The following FYB1 variants were observed in gnomAD, a reference collection of about 807,000 sequenced individuals.
FYB1 encodes FYN binding protein 1.
A neutral mutation model predicts 94.1 loss-of-function variants in FYB1; 41 were observed. That is an observed-to-expected ratio of 0.44 (90% CI 0.34 to 0.57). The LOEUF (loss-of-function observed/expected upper bound fraction) is 0.57. Among genes scored for constraint, FYB1 ranks in the 20% least tolerant of loss-of-function variants. The pLI is 0.02. For synonymous variants in FYB1, 367 were observed against 353.2 expected, an observed-to-expected ratio of 1.04 and a Z score of -0.44; for missense variants, 1,050 against 976.8, an observed-to-expected ratio of 1.07 and a Z score of -1.00.
intron 1 of FYB1, among the ~76,000 whole-genome samples, chr5:39,267,714 C>T (rs1388413281): frequency 2.6e-5 from 4 of 152,118 alleles, no homozygotes; most frequent in African/African-American, 9.7e-5. Context: ...CATGTATATG[C>T]CATAATTGCA....
chr5:39,241,145 C>T (rs1425426208), intron 1 of FYB1, among the ~76,000 whole-genome samples: 1 of 152,042 alleles, frequency 6.6e-6, no homozygotes, highest in Non-Finnish European at 1.5e-5. Context: ...AAGAAGGGAA[C>T]AATAGGGCCT....
chr5:39,245,056 G>A (rs192296467), intron 1 of FYB1, among the ~76,000 whole-genome samples: 62 of 151,738 alleles, frequency 4.1e-4, no homozygotes, highest in African/African-American at 1.2e-3. Context: ...TCTTGCTAGC[G>A]GTCTATCAAT....
chr5:39,170,962 CCATT>C (rs773634599), intron 2 of FYB1, among the ~76,000 whole-genome samples: 2 of 152,112 alleles, frequency 1.3e-5, no homozygotes, highest in Non-Finnish European at 2.9e-5. Flanking sequence ...TATTGTATTA[CCATT>C]CATGTTTCTG....
At chr5:39,270,730 A>G in intron 1 of FYB1, 1 of 543,850 alleles carries the variant, frequency 1.8e-6, no homozygotes, top group Non-Finnish European at 3.1e-6. Context: ...CTACATTTGC[A>G]TGTTATCTCA....
intron 1 of FYB1, among the ~76,000 whole-genome samples, chr5:39,207,587 G>T (rs1286496986): frequency 1.3e-5 from 2 of 152,128 alleles, no homozygotes; most frequent in African/African-American, 4.8e-5. Flanking sequence ...CATCTTTTCT[G>T]TTCCTAGAAA....
At chr5:39,185,986 G>A (rs1315017825) in intron 2 of FYB1, among the ~76,000 whole-genome samples, 3 of 152,084 alleles carry the variant, frequency 2.0e-5, no homozygotes, top group Non-Finnish European at 4.4e-5. Context: ...TGGCTGCCTT[G>A]TCCAGGAGGA....
chr5:39,174,768 A>G (rs1329433089), intron 2 of FYB1, among the ~76,000 whole-genome samples: 1 of 152,238 alleles, frequency 6.6e-6, no homozygotes, highest in Non-Finnish European at 1.5e-5. Context: ...AAGATAAAAC[A>G]TAAGCATCTT....
At position 39,110,228 on chromosome 5, in the gene FYB1, C is replaced by A; in HGVS notation, c.2435+128G>T. 5.3e-6 allele frequency: 3 copies of A among 568,754 alleles called. No individual in the cohort carries two copies. The Admixed American group carries it at 9.9e-5, about 19-fold the overall frequency. The allele number at this position is 568,754 out of a possible 1,614,324, so 35.2% of individuals were successfully genotyped here. On this transcript the variant is annotated intron_variant, in intron 17 of 18. Coordinates refer to ENST00000512982, the MANE Select transcript of FYB1 (RefSeq NM_001465.6). ...TACTAACATGTTAACGTTAGTATAGCATATTGTTTTTAAATTTATTTATGA... is the reference window on the plus strand; with the variant it reads ...TACTAACATGTTAACGTTAGTATAGAATATTGTTTTTAAATTTATTTATGA...
rs1173223046 is a variant in FYB1 at position 39,105,528 on chromosome 5, C to G, written c.*1915G>C. On this transcript the variant is annotated 3_prime_UTR_variant, in exon 19 of 19. Transcript: ENST00000512982. ...TAATTCTCAATCAGAAAAAAAATTA[C>G]TGTCAGACTGCAATGCAAGTCTGCC... The G allele has an allele frequency of 6.6e-6, 1 of 152,088 alleles. No individual in the cohort carries two copies. Among genetic ancestry groups the G allele is most frequent in the African/African-American group, 2.4e-5 (1 of 41,398 alleles). 9.4% of individuals were successfully genotyped at this position (152,088 alleles called of 1,614,324 possible).
At chr5:39,159,533 A>G (rs1744060426) in intron 2 of FYB1, among the ~76,000 whole-genome samples, 1 of 152,134 alleles carries the variant, frequency 6.6e-6, no homozygotes, top group African/African-American at 2.4e-5. Flanking sequence ...GTTGTTTGTA[A>G]TCCCCTTCAT....
intron 14 of FYB1, 74 bp from the exon 15 acceptor site, chr5:39,119,708 T>C: frequency 7.6e-7 from 1 of 1,317,704 alleles, no homozygotes; most frequent in East Asian, 3.0e-5. Flanking sequence ...ACAGAGACGA[T>C]TCATAGCATT....
In FYB1 at chr5:39,202,045, A is replaced by G; in HGVS notation, c.916T>C (p.Ser306Pro). Residue 306 changes from serine (S) to proline (P), a missense_variant, in exon 2 of 19, where the codon TCA (serine) becomes CCA (proline). Transcript: ENST00000512982. ...GGGAACCTGGCAGGAGGAGTCCCTGAGGCCAACTCTTCCTGATTTATTTTG... is the reference window on the plus strand; with the variant it reads ...GGGAACCTGGCAGGAGGAGTCCCTGGGGCCAACTCTTCCTGATTTATTTTG... ...QSKINQEELA[S>P]GTPPARFPKA... 6.2e-7 allele frequency: 1 copy of G among 1,614,008 alleles called. No individual in the cohort carries two copies. Among genetic ancestry groups the G allele is most frequent in the Non-Finnish European group, 8.5e-7 (1 of 1,179,894 alleles).
chr5:39,236,380 C>G (rs552944811), intron 1 of FYB1, among the ~76,000 whole-genome samples: 3 of 152,076 alleles, frequency 2.0e-5, no homozygotes, highest in South Asian at 4.2e-4. Context: ...ATAAGGTATT[C>G]AATAACTCTG....
At chr5:39,173,047 A>T (rs1343981893) in intron 2 of FYB1, among the ~76,000 whole-genome samples, 1 of 152,180 alleles carries the variant, frequency 6.6e-6, no homozygotes, top group Non-Finnish European at 1.5e-5. Flanking sequence ...CCGTGGCTGA[A>T]CTACCTTACA....
At chr5:39,245,845 C>A (rs1751455042) in intron 1 of FYB1, among the ~76,000 whole-genome samples, 1 of 152,204 alleles carries the variant, frequency 6.6e-6, no homozygotes, top group African/African-American at 2.4e-5. Flanking sequence ...GGTGATTCAC[C>A]TGCCTTGGTC....
At chr5:39,178,073 C>A (rs954619271) in intron 2 of FYB1, among the ~76,000 whole-genome samples, 1 of 152,196 alleles carries the variant, frequency 6.6e-6, no homozygotes, top group Non-Finnish European at 1.5e-5. Context: ...GCATTTCCCC[C>A]AAAGTTAATT....
At chr5:39,233,079 A>C (rs541912184) in intron 1 of FYB1, among the ~76,000 whole-genome samples, 8 of 152,192 alleles carry the variant, frequency 5.3e-5, no homozygotes, top group Admixed American at 1.3e-4. Context: ...TTGGGTATAT[A>C]CCCAGTAATG....
intron 2 of FYB1, among the ~76,000 whole-genome samples, chr5:39,191,265 G>T (rs57302385): frequency 0.036 from 5,481 of 152,224 alleles, 338 homozygotes; most frequent in African/African-American, 0.12. Context: ...AACAAGAAAA[G>T]AGAAGAGAAG....
At chr5:39,185,621 T>TAC (rs1211562058) in intron 2 of FYB1, among the ~76,000 whole-genome samples, 41 of 139,884 alleles carry the variant, frequency 2.9e-4, no homozygotes, top group African/African-American at 1.2e-3. Flanking sequence ...TATATATATA[T>TAC]ACACACATAT....
Sources: allele counts gnomAD v4.1 joint callset (sites outside exome capture counted in the v4.1 genomes callset), GRCh38; gene constraint gnomAD v4.1.1; transcripts MANE v1.5; gene names NCBI Gene and HGNC (gene_info 2026-07-23, HGNC 2026-07-21).